UTRN: variants seen among roughly 807,000 people sequenced by gnomAD.
UTRN encodes the protein dystrophin-related protein 1.
A neutral mutation model predicts 463.9 loss-of-function variants in UTRN; 283 were observed. The ratio of observed to expected loss-of-function variants is 0.61; its 90% CI spans 0.55 to 0.67. UTRN has a LOEUF of 0.67. Among genes scored for constraint, UTRN ranks in the 30% least tolerant of loss-of-function variants. The pLI is 0.00. For synonymous variants in UTRN, 1,442 were observed against 1,431.5 expected (o/e 1.01, Z -0.17); for missense variants, 3,922 against 4,084.3 (o/e 0.96, Z 1.08).
At chr6:144,520,345 T>C (rs1473621533) in intron 39 of UTRN, among the ~76,000 whole-genome samples, 1 of 152,252 alleles carries the variant, frequency 6.6e-6, no homozygotes, top group Non-Finnish European at 1.5e-5. Context: ...ATACTTAGCA[T>C]CTTTTTATTC....
chr6:144,455,144 AATGTATACCATGTGGACAGTGT>A (rs1257670691), intron 19 of UTRN, among the ~76,000 whole-genome samples: 1 of 152,180 alleles, frequency 6.6e-6, no homozygotes, highest in Non-Finnish European at 1.5e-5. Flanking sequence ...CAAAATATGG[AATGTATACCATGTGGACAGTGT>A]ATGTCCATTT....
At chr6:144,529,940 C>T (rs1159049748) in intron 41 of UTRN, among the ~76,000 whole-genome samples, 1 of 152,056 alleles carries the variant, frequency 6.6e-6, no homozygotes, top group Non-Finnish European at 1.5e-5. Context: ...TTCATGTATC[C>T]TGAATATAAC....
chr6:144,582,279 A>G (rs1802038807), intron 51 of UTRN, among the ~76,000 whole-genome samples: 2 of 152,236 alleles, frequency 1.3e-5, no homozygotes, highest in African/African-American at 4.8e-5. Context: ...AAATTGCAGC[A>G]TTAGCCCGGT....
chr6:144,523,000 G>A lies in UTRN; in HGVS notation c.5734-16G>A. 6.4e-7 allele frequency: 1 copy of A among 1,560,562 alleles called. No homozygotes were observed. The highest frequency in any genetic ancestry group is 8.7e-7 in the Non-Finnish European group (1 of 1,154,328). On this transcript the variant is annotated splice_polypyrimidine_tract_variant and intron_variant, in intron 40 of 74. Transcript: ENST00000367545. ...ACTTTGCTGGATTTTGTTAATCTAT[G>A]ACAATATATTTTTAGAATATCAAAG... is the stretch of plus-strand genomic sequence containing the variant.
intron 2 of UTRN, 100 bp from the exon 3 acceptor site, chr6:144,403,023 C>T (rs1487631832): frequency 1.7e-5 from 18 of 1,061,022 alleles, no homozygotes; most frequent in Non-Finnish European, 2.4e-5. Context: ...ACTAATAGGA[C>T]TATTTTAAAC....
chr6:144,769,755 C>T (rs1411854600), intron 58 of UTRN, among the ~76,000 whole-genome samples: 6 of 152,234 alleles, frequency 3.9e-5, no homozygotes, highest in East Asian at 1.9e-4. Context: ...CTGGACAGTA[C>T]TGTTGTCGTG....
rs556953313 is a variant in UTRN, at chr6:144,713,653, G to T, written c.7809+13410G>T. On this transcript the variant is annotated intron_variant, in intron 53 of 74. Coordinates refer to ENST00000367545, the MANE Select transcript of UTRN (RefSeq NM_007124.3). ...AATAAATAAAAAGCAGGGTGCAGTG[G>T]CTCATGCCTGTAATCCCAGCACTTT... Among the ~76,000 whole-genome samples the T allele has an allele frequency of 5.3e-4, 79 of 150,074 alleles. 2 individuals carry two copies. Among genetic ancestry groups the T allele is most frequent in the African/African-American group, 1.8e-3 (75 of 40,846 alleles).
chr6:144,503,487 C>A (rs887906816), intron 34 of UTRN, among the ~76,000 whole-genome samples: 1 of 152,134 alleles, frequency 6.6e-6, no homozygotes, highest in African/African-American at 2.4e-5. Flanking sequence ...GTTTTCCCAA[C>A]ACCATTTATT....
At chr6:144,487,500 T>G in intron 28 of UTRN, 48 bp from the exon 29 acceptor site, 1 of 1,529,694 alleles carries the variant, frequency 6.5e-7, no homozygotes, top group Non-Finnish European at 8.8e-7. Context: ...TTGATACCTT[T>G]TGCCTTAGTA....
chr6:144,526,778 A>G (rs1196099587), intron 41 of UTRN, among the ~76,000 whole-genome samples: 1 of 147,872 alleles, frequency 6.8e-6, no homozygotes, highest in African/African-American at 2.5e-5. Context: ...GTTATTGTTA[A>G]TAGGTTCTTT....
rs78381835 is a variant in UTRN, at chr6:144,511,539, A to G, written c.4944+416A>G. On this transcript the variant is annotated intron_variant, in intron 35 of 74. Transcript: ENST00000367545. ...TAAAAATTTTCATTACTAGCTTGGT[A>G]ACACTGGTAAAGTTACTTAAACATT... Among the ~76,000 whole-genome samples the G allele has an allele frequency of 3.8e-3, 576 of 152,308 alleles. 3 individuals carry two copies. The highest frequency in any genetic ancestry group is 0.013 in the African/African-American group (560 of 41,578).
At chr6:144,542,699 G>A in intron 45 of UTRN, 96 bp from the exon 46 acceptor site, 4 of 1,268,502 alleles carry the variant, frequency 3.2e-6, no homozygotes, top group Non-Finnish European at 4.3e-6. Flanking sequence ...AAGAAAAGTA[G>A]CAGAGCTGCC....
intron 3 of UTRN, among the ~76,000 whole-genome samples, chr6:144,404,494 G>T (rs539369775): frequency 5.3e-5 from 8 of 152,308 alleles, no homozygotes; most frequent in African/African-American, 1.7e-4. Context: ...TTTTATTCCA[G>T]TGGTCTTATG....
chr6:144,705,513 A>G (rs559159319), intron 53 of UTRN, among the ~76,000 whole-genome samples: 262 of 152,294 alleles, frequency 1.7e-3, no homozygotes, highest in Middle Eastern at 6.8e-3. Flanking sequence ...GGATGATGTC[A>G]TCTCACTGTG....
intron 2 of UTRN, among the ~76,000 whole-genome samples, chr6:144,371,227 T>C (rs1265106360): frequency 6.6e-6 from 1 of 152,234 alleles, no homozygotes; most frequent in Non-Finnish European, 1.5e-5. Flanking sequence ...AAATACAAGA[T>C]GATATTATTT....
intron 23 of UTRN, among the ~76,000 whole-genome samples, chr6:144,470,111 AAC>A (rs984043225): frequency 1.3e-5 from 2 of 152,172 alleles, no homozygotes; most frequent in African/African-American, 4.8e-5. Flanking sequence ...CTTCCACACA[AAC>A]ACAGCAACAA....
chr6:144,287,713 CTTG>C (rs2114500224), intron 1 of UTRN, among the ~76,000 whole-genome samples: 1 of 152,276 alleles, frequency 6.6e-6, no homozygotes, highest in South Asian at 2.1e-4. Context: ...TTCATACACT[CTTG>C]CTTGGTGGTC....
At chr6:144,288,749 T>C (rs1803922481) in intron 1 of UTRN, among the ~76,000 whole-genome samples, 2 of 149,078 alleles carry the variant, frequency 1.3e-5, no homozygotes, top group Middle Eastern at 3.5e-3. Context: ...CAACTCTCTC[T>C]CTCTCTCTTT....
At chr6:144,844,016 A>G (rs1665585254) in intron 73 of UTRN, among the ~76,000 whole-genome samples, 1 of 152,180 alleles carries the variant, frequency 6.6e-6, no homozygotes, top group African/African-American at 2.4e-5. Flanking sequence ...TGAAAAGTGT[A>G]TTTTAGAATC....
Sources: allele counts gnomAD v4.1 joint callset (sites outside exome capture counted in the v4.1 genomes callset), GRCh38; gene constraint gnomAD v4.1.1; transcripts MANE v1.5; gene names NCBI Gene and HGNC (gene_info 2026-07-23, HGNC 2026-07-21).